The following MB21D2 variants were observed in gnomAD, a reference collection of about 807,000 sequenced individuals.
MB21D2 encodes the protein nucleotidyltransferase MB21D2.
In MB21D2, 9 loss-of-function variants were observed where a neutral mutation model predicts 33.3. That is an observed-to-expected ratio of 0.27 (90% confidence interval 0.16 to 0.47). MB21D2 has a LOEUF of 0.47. Ranked by LOEUF, MB21D2 falls within the 20% of genes least tolerant of loss-of-function variation. The pLI is 0.99. For synonymous variants in MB21D2, 241 were observed against 236.3 expected (o/e 1.02, Z -0.18); for missense variants, 540 against 624.6 (o/e 0.86, Z 1.44).
chr3:192,835,080 T>A (rs1349481650), intron 1 of MB21D2, among the ~76,000 whole-genome samples: 1 of 147,210 alleles, frequency 6.8e-6, no homozygotes, highest in Non-Finnish European at 1.5e-5. Flanking sequence ...AGTGCTGGGA[T>A]GACAGGCGTG....
At chr3:192,917,550 G>C (rs947028365) in intron 1 of MB21D2, 80 bp downstream of exon 1, 1 of 1,485,456 alleles carries the variant, frequency 6.7e-7, no homozygotes, top group Admixed American at 1.7e-5. Context: ...GGAAGAGGTC[G>C]AGAAGCGGCA....
At chr3:192,900,370 C>CCT (rs1172374066) in intron 1 of MB21D2, among the ~76,000 whole-genome samples, 2 of 150,978 alleles carry the variant, frequency 1.3e-5, no homozygotes, top group African/African-American at 4.9e-5. Flanking sequence ...ACAAATCCAT[C>CCT]CTTTACACAG....
intron 1 of MB21D2, among the ~76,000 whole-genome samples, chr3:192,827,293 T>C (rs1712197753): frequency 6.6e-6 from 1 of 152,084 alleles, no homozygotes; most frequent in South Asian, 2.1e-4. Flanking sequence ...CCTATTAACT[T>C]ATAAATAGAA....
In MB21D2 at chr3:192,798,290, T is replaced by C; in HGVS notation, c.*96A>G. 7.2e-7 allele frequency: 1 copy of C among 1,385,548 alleles called. No homozygotes were observed. Among genetic ancestry groups the C allele is most frequent in the South Asian group, 1.4e-5 (1 of 73,110 alleles). The allele number at this position is 1,385,548 out of a possible 1,614,324, so 85.8% of individuals were successfully genotyped here. A position where few individuals can be genotyped will look rare whatever the true frequency, so the allele number is the denominator to read the frequency against. On this transcript the variant is annotated 3_prime_UTR_variant, in exon 2 of 2. Coordinates refer to ENST00000392452, the MANE Select transcript of MB21D2 (RefSeq NM_178496.4). This position sits in a 1 kb window ranked among gnomAD's most constrained non-coding sequence, Gnocchi z 4.8. ...AAATTTGTTCTTAACAAATCCAATCTAGGCTGGATATGTAAAAAACAGAAA... is the reference window on the plus strand; with the variant it reads ...AAATTTGTTCTTAACAAATCCAATCCAGGCTGGATATGTAAAAAACAGAAA...
chr3:192,851,511 T>TTG lies in MB21D2; in HGVS notation c.212-51862_212-51861insCA, dbSNP rs368434734. On this transcript the variant is annotated intron_variant, in intron 1 of 1. Transcript: ENST00000392452. ...TGTCTGTTTTTTTTTTTTTTTTTTT[T>TTG]GGAGATGGAGTCTCACTCTGTTGCC... Among the ~76,000 whole-genome samples the TTG allele has an allele frequency of 3.1e-3, 452 of 143,910 alleles. 3 individuals carry two copies. The highest frequency in any genetic ancestry group is 0.011 in the African/African-American group (406 of 35,996). 94.4% of individuals were successfully genotyped at this position (143,910 alleles called of 152,430 possible). A position where few individuals can be genotyped will look rare whatever the true frequency, so the allele number is the denominator to read the frequency against.
intron 1 of MB21D2, among the ~76,000 whole-genome samples, chr3:192,864,664 G>T (rs569021034): frequency 9.9e-4 from 151 of 152,150 alleles, no homozygotes; most frequent in African/African-American, 3.5e-3. Flanking sequence ...CCGCCACCAC[G>T]CCTGGTTAAT....
intron 1 of MB21D2, among the ~76,000 whole-genome samples, chr3:192,840,938 T>G (rs1194620600): frequency 6.6e-6 from 1 of 152,182 alleles, no homozygotes; most frequent in African/African-American, 2.4e-5. Context: ...GAAAATATTT[T>G]ATAGAAAGCA....
chr3:192,813,801 T>A (rs1470824369), intron 1 of MB21D2, among the ~76,000 whole-genome samples: 1 of 152,186 alleles, frequency 6.6e-6, no homozygotes, highest in African/African-American at 2.4e-5. Context: ...GTCAATTTGT[T>A]GTAAGGTGGG....
chr3:192,854,095 CAT>C (rs1712867915), intron 1 of MB21D2, among the ~76,000 whole-genome samples: 1 of 152,208 alleles, frequency 6.6e-6, no homozygotes, highest in African/African-American at 2.4e-5. Context: ...GGAAGAGACA[CAT>C]GTCCTTCACC....
At chr3:192,893,826 A>G (rs914120626) in intron 1 of MB21D2, among the ~76,000 whole-genome samples, 7 of 152,280 alleles carry the variant, frequency 4.6e-5, no homozygotes, top group Admixed American at 2.6e-4. Flanking sequence ...GCTTGAGGCC[A>G]GGAGTTTGAA....
chr3:192,823,368 C>A (rs1308923550), intron 1 of MB21D2, among the ~76,000 whole-genome samples: 6 of 152,280 alleles, frequency 3.9e-5, no homozygotes, highest in East Asian at 3.9e-4. Flanking sequence ...AAACACATTT[C>A]TCTGGCTGGG....
intron 1 of MB21D2, among the ~76,000 whole-genome samples, chr3:192,814,318 T>A (rs916359881): frequency 6.6e-6 from 1 of 152,060 alleles, no homozygotes; most frequent in Non-Finnish European, 1.5e-5. Context: ...AAAAAAATAC[T>A]GACAGGCTAA....
intron 1 of MB21D2, among the ~76,000 whole-genome samples, chr3:192,897,284 A>C (rs192402190): frequency 6.6e-6 from 1 of 152,304 alleles, no homozygotes; most frequent in Non-Finnish European, 1.5e-5. Context: ...AAGGTCATCA[A>C]ACCAATGAGC....
chr3:192,809,773 A>C (rs976284103), intron 1 of MB21D2, among the ~76,000 whole-genome samples: 2 of 152,226 alleles, frequency 1.3e-5, no homozygotes, highest in Non-Finnish European at 2.9e-5. Context: ...AAAGATACTT[A>C]GTGCTGAGAC....
At chr3:192,812,125 G>A (rs1711801177) in intron 1 of MB21D2, among the ~76,000 whole-genome samples, 1 of 151,998 alleles carries the variant, frequency 6.6e-6, no homozygotes, top group African/African-American at 2.4e-5. Context: ...TTGGCTCACT[G>A]CAACCTCTGC....
chr3:192,818,132 T>C (rs2108615095), intron 1 of MB21D2, among the ~76,000 whole-genome samples: 1 of 152,204 alleles, frequency 6.6e-6, no homozygotes, highest in Non-Finnish European at 1.5e-5. Context: ...TTATTTCCTG[T>C]CCCCCTTCAT....
Position 192,798,438 on chromosome 3 carries a change from T to C in MB21D2, c.1424A>G (p.Asn475Ser). 4 of 1,614,174 alleles carry C rather than the reference T, an allele frequency of 2.5e-6. No homozygotes were observed. The highest frequency in any genetic ancestry group is 2.2e-5 in the South Asian group (2 of 91,076). The stretch of plus-strand genomic sequence containing the variant: ...ATGGGGCCTTGTGACATCGTCAGGA[T>C]TGATAAAGACAGAGATTGACTTTCC... ...NPGKSISVFI[N>S]PDDVTRPHFR... The change falls in exon 2 of 2, where the codon AAT (asparagine) becomes AGT (serine). Residue 475 changes from asparagine (N) to serine (S), a missense_variant. By Grantham distance (46) the Asn-to-Ser change is conservative. Coordinates refer to ENST00000392452, the MANE Select transcript of MB21D2 (RefSeq NM_178496.4). The surrounding 1 kb of genome is among the most constrained non-coding windows in gnomAD (Gnocchi z 4.8).
intron 1 of MB21D2, among the ~76,000 whole-genome samples, chr3:192,805,677 G>A (rs1711646319): frequency 1.3e-5 from 2 of 152,154 alleles, no homozygotes; most frequent in South Asian, 2.1e-4. Flanking sequence ...TACTATTCAA[G>A]TGAGGCTAAC....
At chr3:192,885,842 G>C (rs1440555298) in intron 1 of MB21D2, among the ~76,000 whole-genome samples, 1 of 152,106 alleles carries the variant, frequency 6.6e-6, no homozygotes, top group Admixed American at 6.6e-5. Context: ...AACTTCACCT[G>C]AGTCTAAAGT....
Sources: allele counts gnomAD v4.1 joint callset (sites outside exome capture counted in the v4.1 genomes callset), GRCh38; gene constraint gnomAD v4.1.1; non-coding constraint Gnocchi (gnomAD v3.1); transcripts MANE v1.5; gene names NCBI Gene and HGNC (gene_info 2026-07-23, HGNC 2026-07-21).